Variants in TYW1 observed in about 807,000 individuals in gnomAD.
The protein encoded by TYW1 is S-adenosyl-L-methionine-dependent tRNA 4-demethylwyosine synthase TYW1.
TYW1 carries 46 observed loss-of-function variants against 96.2 expected under a neutral mutation model. The ratio of observed to expected loss-of-function variants is 0.48; its 90% CI spans 0.38 to 0.61. The LOEUF (loss-of-function observed/expected upper bound fraction) is 0.61. Ranked by LOEUF, TYW1 falls within the 20% of genes least tolerant of loss-of-function variation. The probability of loss-of-function intolerance (pLI) is 0.00; values close to 1 mark genes in which losing one functional copy is unlikely to be tolerated. For missense variants in TYW1, 684 were observed against 909.6 expected (o/e 0.75, Z 3.19); for synonymous variants, 274 against 323.0 (o/e 0.85, Z 1.63).
intron 15 of TYW1, among the ~76,000 whole-genome samples, chr7:67,235,780 G>C (rs1431810306): frequency 3.3e-5 from 5 of 151,680 alleles, no homozygotes; most frequent in Non-Finnish European, 5.9e-5. Context: ...AGTAGTCCCA[G>C]CTACTTGGGA....
chr7:67,194,383 G>C (rs890597723), intron 14 of TYW1, among the ~76,000 whole-genome samples: 2 of 151,088 alleles, frequency 1.3e-5, no homozygotes, highest in African/African-American at 4.9e-5. Flanking sequence ...CCAGCACCTT[G>C]GGAGGCTGGG....
intron 13 of TYW1, among the ~76,000 whole-genome samples, chr7:67,171,481 C>G (rs1209905171): frequency 1.3e-5 from 2 of 152,058 alleles, no homozygotes; most frequent in African/African-American, 4.8e-5. Flanking sequence ...TCATGTCGTT[C>G]ATGTGTTCTG....
At chr7:67,006,179 C>T (rs979602515) in intron 3 of TYW1, among the ~76,000 whole-genome samples, 1 of 152,064 alleles carries the variant, frequency 6.6e-6, no homozygotes, top group Non-Finnish European at 1.5e-5. Context: ...GGTTTAGCAC[C>T]ATCTCCCTTG....
chr7:67,083,168 G>C (rs1486280379), intron 10 of TYW1, among the ~76,000 whole-genome samples: 1 of 152,190 alleles, frequency 6.6e-6, no homozygotes, highest in Non-Finnish European at 1.5e-5. Flanking sequence ...GCAGCAGAGA[G>C]CGTTCTGTCA....
intron 13 of TYW1, among the ~76,000 whole-genome samples, chr7:67,124,612 C>A (rs1180082375): frequency 6.6e-6 from 1 of 152,026 alleles, no homozygotes; most frequent in Non-Finnish European, 1.5e-5. Flanking sequence ...TGTTATTGAA[C>A]TTTTAAATTT....
intron 15 of TYW1, among the ~76,000 whole-genome samples, chr7:67,206,209 T>C (rs538471880): frequency 6.6e-6 from 1 of 152,342 alleles, no homozygotes; most frequent in East Asian, 1.9e-4. Flanking sequence ...GTTGTATGGC[T>C]GCTCTTGCAG....
intron 3 of TYW1, among the ~76,000 whole-genome samples, chr7:67,000,817 G>T (rs1793357587): frequency 6.6e-6 from 1 of 152,112 alleles, no homozygotes; most frequent in African/African-American, 2.4e-5. Flanking sequence ...GAAAAATCAA[G>T]GTCTGTTACT....
chr7:67,234,779 G>A (rs1251626263), intron 15 of TYW1, among the ~76,000 whole-genome samples: 3 of 138,710 alleles, frequency 2.2e-5, no homozygotes, highest in Non-Finnish European at 4.7e-5. Flanking sequence ...ATCTTTTAGT[G>A]CAGAAGCTTT....
rs575079979 is a variant in TYW1 at position 67,162,183 on chromosome 7, G to A, written c.1699-20943G>A. ...AAAAAAATTGGCCGGGCGTGGTGGC[G>A]GGTGCCTGTAGTCCCAGCTACTCAG... is the stretch of plus-strand genomic sequence containing the variant. On this transcript the variant is annotated intron_variant, in intron 13 of 15. Transcript: ENST00000359626. Among the ~76,000 whole-genome samples, 30 of 151,838 alleles carry A rather than the reference G, an allele frequency of 2.0e-4. 2 individuals are homozygous for A. In the South Asian group the frequency reaches 2.1e-3, roughly 11 times the overall value.
At chr7:67,145,697 G>A (rs899429615) in intron 13 of TYW1, among the ~76,000 whole-genome samples, 9 of 152,082 alleles carry the variant, frequency 5.9e-5, no homozygotes, top group Non-Finnish European at 1.0e-4. Flanking sequence ...GCTGCCCACT[G>A]TATTTCAAGT....
At chr7:67,166,460 A>G (rs1442742811) in intron 13 of TYW1, among the ~76,000 whole-genome samples, 1 of 151,240 alleles carries the variant, frequency 6.6e-6, no homozygotes, top group Non-Finnish European at 1.5e-5. Flanking sequence ...AATTATTACA[A>G]AATGAACACA....
At chr7:67,000,491 G>A (rs1354641419) in intron 3 of TYW1, among the ~76,000 whole-genome samples, 1 of 151,726 alleles carries the variant, frequency 6.6e-6, no homozygotes, top group African/African-American at 2.4e-5. Context: ...TAGAGACGAG[G>A]TTTCACCATA....
In TYW1 at chr7:67,009,369, C is replaced by T. The variant is rs1271955416; in HGVS notation, c.274-214C>T. Among the ~76,000 whole-genome samples, 5 of 152,080 alleles carry T rather than the reference C, an allele frequency of 3.3e-5. No homozygotes were observed. In the South Asian group the frequency reaches 8.3e-4, roughly 25 times the overall value. ...AAATTAGATTCAGTCCTATGTAAAC[C>T]CTGATCGGGTGAGAACAACACAAAT... On this transcript the variant is annotated intron_variant, in intron 3 of 15. Coordinates refer to ENST00000359626, the MANE Select transcript of TYW1 (RefSeq NM_018264.4).
intron 11 of TYW1, among the ~76,000 whole-genome samples, chr7:67,087,165 G>A (rs1478398387): frequency 6.6e-6 from 1 of 152,194 alleles, no homozygotes; most frequent in Non-Finnish European, 1.5e-5. Context: ...ATGGAAATAT[G>A]TAATGAATAA....
intron 13 of TYW1, among the ~76,000 whole-genome samples, chr7:67,159,835 C>G (rs759625159): frequency 6.6e-6 from 1 of 150,838 alleles, no homozygotes; most frequent in Non-Finnish European, 1.5e-5. Context: ...GAGTCTTGCT[C>G]TGTAGCCCAG....
intron 13 of TYW1, among the ~76,000 whole-genome samples, chr7:67,163,695 G>C (rs1021593792): frequency 6.8e-6 from 1 of 147,484 alleles, no homozygotes; most frequent in Non-Finnish European, 1.5e-5. Flanking sequence ...CTGAGACAGA[G>C]TCTTGCTCTG....
intron 10 of TYW1, among the ~76,000 whole-genome samples, chr7:67,076,775 C>CT (rs543408648): frequency 0.16 from 19,386 of 123,594 alleles, 1,791 homozygotes; most frequent in East Asian, 0.27. Context: ...TGCACTCAGC[C>CT]TTTTTTTTTT....
At chr7:67,085,561 G>A (rs1320133916) in intron 11 of TYW1, among the ~76,000 whole-genome samples, 12 of 152,002 alleles carry the variant, frequency 7.9e-5, no homozygotes, top group Admixed American at 7.2e-4. Flanking sequence ...CCCTGTCTCC[G>A]GCAGTTCTTT....
intron 13 of TYW1, among the ~76,000 whole-genome samples, chr7:67,153,925 CTTTTTTTTTTTTTT>C (rs34003922): frequency 1.4e-4 from 18 of 130,356 alleles, no homozygotes; most frequent in Middle Eastern, 4.2e-3. Context: ...TAACGACTTT[CTTTTTTTTTTTTTT>C]TTTTTTGAGA....
Sources: gnomAD v4.1 joint callset for allele counts (sites outside exome capture counted in the v4.1 genomes callset) on GRCh38, gnomAD v4.1.1 for gene constraint, MANE v1.5 for transcripts, NCBI Gene and HGNC (gene_info 2026-07-23, HGNC 2026-07-21) for gene names.